Variants in SYCP2 observed in about 807,000 individuals in gnomAD.
SYCP2 encodes the protein synaptonemal complex protein 2.
Under a neutral mutation model 211.3 loss-of-function variants are expected in SYCP2, and 55 were observed. The observed-to-expected ratio is 0.26, with a 90% CI of 0.21 to 0.33. SYCP2 has a LOEUF of 0.33. SYCP2 is among the 10% of genes least tolerant of loss of function. The probability of loss-of-function intolerance (pLI) is 1.00; values close to 1 mark genes in which losing one functional copy is unlikely to be tolerated. For synonymous variants in SYCP2, 570 were observed against 555.2 expected, an observed-to-expected ratio of 1.03 and a Z score of -0.37; for missense variants, 1,731 against 1,752.0, an observed-to-expected ratio of 0.99 and a Z score of 0.21.
intron 2 of SYCP2, among the ~76,000 whole-genome samples, chr20:59,929,103 A>G (rs2060686829): frequency 6.6e-6 from 1 of 152,134 alleles, no homozygotes; most frequent in Non-Finnish European, 1.5e-5. Flanking sequence ...CAAAAATGGA[A>G]AAGAAGAAGA....
chr20:59,890,284 AAACT>A (rs1476404537), intron 24 of SYCP2, among the ~76,000 whole-genome samples: 1 of 152,162 alleles, frequency 6.6e-6, no homozygotes, highest in African/African-American at 2.4e-5. Flanking sequence ...CATTCTCAGC[AAACT>A]AACACAAGAA....
chr20:59,889,092 A>G (rs1279299076), intron 24 of SYCP2, among the ~76,000 whole-genome samples: 1 of 152,038 alleles, frequency 6.6e-6, no homozygotes, highest in Non-Finnish European at 1.5e-5. Context: ...GAAAGAACAA[A>G]CAAGTGGAGC....
intron 34 of SYCP2, 82 bp downstream of exon 34, chr20:59,875,189 T>A (rs1448883011): frequency 1.2e-6 from 1 of 869,100 alleles, no homozygotes; most frequent in South Asian, 2.1e-5. Context: ...TCAAAATTAG[T>A]CTTAAAATTG....
In SYCP2 at chr20:59,895,367, A is replaced by C. The variant is rs994723450; in HGVS notation, c.1665+70T>G. On this transcript the variant is annotated intron_variant, in intron 20 of 44. Coordinates refer to ENST00000357552, the MANE Select transcript of SYCP2 (RefSeq NM_014258.4). The stretch of plus-strand genomic sequence containing the variant: ...TGAGACACTTGCAGCTTGCAAAAGG[A>C]GTTAGCTCAATACATATTTCCACAA... 4.6e-6 allele frequency: 6 copies of C among 1,301,434 alleles called. No individual in the cohort carries two copies. The East Asian group carries it at 1.5e-4, about 32-fold the overall frequency. The allele number at this position is 1,301,434 out of a possible 1,614,324, so 80.6% of individuals were successfully genotyped here. A position where few individuals can be genotyped will look rare whatever the true frequency, so the allele number is the denominator to read the frequency against.
At chr20:59,879,350 C>CT (rs377605675) in intron 31 of SYCP2, among the ~76,000 whole-genome samples, 1 of 148,722 alleles carries the variant, frequency 6.7e-6, no homozygotes, top group African/African-American at 2.4e-5. Context: ...CTGGTGACCT[C>CT]TCACCTAAAT....
At chr20:59,920,060 GAGAC>G (rs1474257018) in intron 5 of SYCP2, among the ~76,000 whole-genome samples, 14 of 151,674 alleles carry the variant, frequency 9.2e-5, no homozygotes, top group Middle Eastern at 3.4e-3. Context: ...GCTAGCATGG[GAGAC>G]AGACAAACAA....
chr20:59,904,049 G>A (rs1473027372), intron 15 of SYCP2, among the ~76,000 whole-genome samples: 1 of 152,158 alleles, frequency 6.6e-6, no homozygotes, highest in Non-Finnish European at 1.5e-5. Context: ...ACCTCTGCTG[G>A]AGAAAAGAAG....
intron 5 of SYCP2, among the ~76,000 whole-genome samples, chr20:59,919,898 A>G (rs1475185940): frequency 2.6e-5 from 4 of 151,660 alleles, no homozygotes; most frequent in Non-Finnish European, 5.9e-5. Context: ...AATTATCATC[A>G]CAATTTAGAC....
intron 24 of SYCP2, among the ~76,000 whole-genome samples, chr20:59,889,244 T>C (rs1369808469): frequency 1.3e-5 from 2 of 150,874 alleles, no homozygotes; most frequent in Non-Finnish European, 2.9e-5. Context: ...GAGTTAATAA[T>C]CATTATGTAT....
intron 20 of SYCP2, 147 bp downstream of exon 20, chr20:59,895,290 C>T (rs1346000841): frequency 1.6e-6 from 1 of 613,574 alleles, no homozygotes; most frequent in African/African-American, 1.9e-5. Flanking sequence ...AAGGACCCTA[C>T]TTTCAAGGGC....
intron 14 of SYCP2, 122 bp from the exon 15 acceptor site, chr20:59,907,546 TTA>T: frequency 8.8e-6 from 6 of 685,680 alleles, no homozygotes; most frequent in Non-Finnish European, 1.3e-5. Flanking sequence ...AGTAACTAGT[TTA>T]TATAACACCT....
chr20:59,920,511 A>C (rs1407176681), intron 4 of SYCP2, 24 bp from the exon 5 acceptor site: 1 of 1,540,884 alleles, frequency 6.5e-7, no homozygotes, highest in Non-Finnish European at 8.9e-7. Flanking sequence ...TATACATTAA[A>C]ATTTCTGTAA....
At chr20:59,925,893 T>G (rs1333383147) in intron 2 of SYCP2, among the ~76,000 whole-genome samples, 2 of 152,074 alleles carry the variant, frequency 1.3e-5, no homozygotes, top group East Asian at 3.8e-4. Context: ...AGAACAATAC[T>G]GCCTGCTTTA....
At position 59,896,542 on chromosome 20, in the gene SYCP2, G is replaced by A. The variant is rs1568946687; in HGVS notation, c.1405-14C>T. 1 of 1,392,680 alleles carries A rather than the reference G, an allele frequency of 7.2e-7. No individual in the cohort carries two copies. The highest frequency in any genetic ancestry group is 1.7e-5 in the Admixed American group (1 of 58,638). The allele number at this position is 1,392,680 out of a possible 1,614,324, so 86.3% of individuals were successfully genotyped here. On this transcript the variant is annotated splice_polypyrimidine_tract_variant and intron_variant, in intron 18 of 44. Transcript: ENST00000357552. The stretch of plus-strand genomic sequence containing the variant: ...AGGAGTAGTTTTCTGAAACCACGAT[G>A]AAAAACAACCACTGTAAACACAGTC...
At chr20:59,928,938 T>C (rs1018813228) in intron 2 of SYCP2, among the ~76,000 whole-genome samples, 1 of 152,054 alleles carries the variant, frequency 6.6e-6, no homozygotes, top group Non-Finnish European at 1.5e-5. Context: ...TAAAAAGTAA[T>C]AGATTTTAAC....
intron 2 of SYCP2, among the ~76,000 whole-genome samples, chr20:59,928,101 T>C (rs2060667444): frequency 1.3e-5 from 2 of 152,144 alleles, no homozygotes; most frequent in South Asian, 4.1e-4. Context: ...CCCATGAACC[T>C]AGCCAATATA....
intron 21 of SYCP2, 108 bp from the exon 22 acceptor site, chr20:59,893,307 A>AT: frequency 3.7e-6 from 3 of 819,206 alleles, no homozygotes; most frequent in Non-Finnish European, 5.7e-6. Context: ...GGATGAACGG[A>AT]TTGATCGATT....
chr20:59,896,680 G>A (rs1429775477), intron 18 of SYCP2, 152 bp from the exon 19 acceptor site: 6 of 547,274 alleles, frequency 1.1e-5, no homozygotes, highest in African/African-American at 1.9e-5. Context: ...CCATGTTTTA[G>A]GCTGATATGA....
rs1326481517 is a variant in SYCP2, at chr20:59,886,332, C to G, written c.2493-368G>C. Among the ~76,000 whole-genome samples the G allele has an allele frequency of 2.6e-5, 4 of 151,922 alleles. No homozygotes were observed. The South Asian group carries it at 8.3e-4, about 32-fold the overall frequency. ...CTTTGGAAAGACTGCAAAGAATGTA[C>G]TATTTACTACAAAAAAACTCATATC... On this transcript the variant is annotated intron_variant, in intron 25 of 44. Coordinates refer to ENST00000357552, the MANE Select transcript of SYCP2 (RefSeq NM_014258.4).
Sources: gnomAD v4.1 joint callset for allele counts (sites outside exome capture counted in the v4.1 genomes callset) on GRCh38, gnomAD v4.1.1 for gene constraint, MANE v1.5 for transcripts, NCBI Gene and HGNC (gene_info 2026-07-23, HGNC 2026-07-21) for gene names.